The following SND1 variants were observed in gnomAD, a reference collection of about 807,000 sequenced individuals.
SND1 encodes the protein staphylococcal nuclease domain-containing protein 1.
In SND1, 38 loss-of-function variants were observed where a neutral mutation model predicts 121.7. That is an observed-to-expected ratio of 0.31 (90% CI 0.24 to 0.41). The LOEUF (loss-of-function observed/expected upper bound fraction) is 0.41. Ranked by LOEUF, SND1 falls within the 10% of genes least tolerant of loss-of-function variation. The pLI, the probability that SND1 is intolerant of heterozygous loss-of-function variation, is 1.00. For synonymous variants in SND1, 401 were observed against 447.4 expected, an observed-to-expected ratio of 0.90 and a Z score of 1.31; for missense variants, 868 against 1,184.6, an observed-to-expected ratio of 0.73 and a Z score of 3.92.
intron 16 of SND1, among the ~76,000 whole-genome samples, chr7:128,069,465 G>T (rs1030146348): frequency 6.6e-6 from 1 of 152,172 alleles, no homozygotes; most frequent in African/African-American, 2.4e-5. Flanking sequence ...GCTAGGACTG[G>T]GAGTTGATAT....
At chr7:127,724,359 G>C (rs751051175) in intron 10 of SND1, among the ~76,000 whole-genome samples, 3 of 152,226 alleles carry the variant, frequency 2.0e-5, no homozygotes, top group Non-Finnish European at 2.9e-5. Flanking sequence ...GACCTGGAGA[G>C]CAGCAATGAC....
At chr7:127,854,955 T>C (rs369384987) in intron 12 of SND1, among the ~76,000 whole-genome samples, 15 of 152,060 alleles carry the variant, frequency 9.9e-5, no homozygotes, top group African/African-American at 3.6e-4. Context: ...TTGCCTGTTA[T>C]TTCATCCTGC....
chr7:127,670,641 T>C (rs895571132), intron 1 of SND1, among the ~76,000 whole-genome samples: 6 of 152,134 alleles, frequency 3.9e-5, no homozygotes, highest in African/African-American at 1.4e-4. Flanking sequence ...TGTCTGAATA[T>C]AAAACCTAAT....
intron 15 of SND1, among the ~76,000 whole-genome samples, chr7:127,961,973 C>T (rs1801742349): frequency 6.6e-6 from 1 of 152,288 alleles, no homozygotes; most frequent in South Asian, 2.1e-4. Flanking sequence ...CTGTGCATCA[C>T]GTGATCGGAT....
At chr7:127,891,203 A>G (rs1036042798) in intron 13 of SND1, among the ~76,000 whole-genome samples, 10 of 151,988 alleles carry the variant, frequency 6.6e-5, no homozygotes, top group Middle Eastern at 3.2e-3. Flanking sequence ...TTCAGTGCAG[A>G]ATCCCCATCC....
At chr7:127,811,413 C>A (rs1221858778) in intron 11 of SND1, among the ~76,000 whole-genome samples, 1 of 152,176 alleles carries the variant, frequency 6.6e-6, no homozygotes, top group African/African-American at 2.4e-5. Flanking sequence ...ATCTCTTGAT[C>A]TTCTGGTGGA....
At chr7:127,921,818 A>G (rs1350048682) in intron 14 of SND1, among the ~76,000 whole-genome samples, 1 of 152,302 alleles carries the variant, frequency 6.6e-6, no homozygotes, top group African/African-American at 2.4e-5. Context: ...TACAAATGCA[A>G]TCATGTATTT....
At chr7:127,927,550 C>G (rs1043173791) in intron 14 of SND1, among the ~76,000 whole-genome samples, 5 of 152,140 alleles carry the variant, frequency 3.3e-5, no homozygotes, top group Non-Finnish European at 7.4e-5. Flanking sequence ...GAATGTGTTG[C>G]TTAAGTGTTC....
chr7:127,891,724 G>T (rs1800012431), intron 13 of SND1, among the ~76,000 whole-genome samples: 1 of 152,018 alleles, frequency 6.6e-6, no homozygotes, highest in Non-Finnish European at 1.5e-5. Flanking sequence ...GAATGGCTTT[G>T]GTGTTGACCC....
chr7:127,967,942 C>CTT (rs1002445976), intron 15 of SND1, among the ~76,000 whole-genome samples: 1 of 152,168 alleles, frequency 6.6e-6, no homozygotes, highest in African/African-American at 2.4e-5. Flanking sequence ...GTGTTTTACT[C>CTT]TATGTATTTC....
chr7:127,911,623 G>T (rs1242850426), intron 14 of SND1, among the ~76,000 whole-genome samples: 1 of 152,132 alleles, frequency 6.6e-6, no homozygotes, highest in Non-Finnish European at 1.5e-5. Context: ...CCAGGTTCAA[G>T]CAATTCTCCT....
intron 17 of SND1, among the ~76,000 whole-genome samples, chr7:128,080,043 C>T (rs1383094735): frequency 6.6e-6 from 1 of 152,024 alleles, no homozygotes; most frequent in African/African-American, 2.4e-5. Context: ...GGGATAATAC[C>T]AAGACCTACT....
intron 12 of SND1, chr7:127,857,818 G>T: frequency 1.6e-5 from 13 of 830,844 alleles, no homozygotes; most frequent in Non-Finnish European, 4.2e-6. Context: ...CAGGAAAGAA[G>T]GGCCCACCAA....
At chr7:127,748,411 G>T (rs1797018808) in intron 10 of SND1, among the ~76,000 whole-genome samples, 1 of 152,138 alleles carries the variant, frequency 6.6e-6, no homozygotes, top group South Asian at 2.1e-4. Context: ...TGGTAGTTGT[G>T]TGTCTGAATT....
chr7:127,993,006 C>A (rs191535380), intron 16 of SND1, among the ~76,000 whole-genome samples: 1 of 152,174 alleles, frequency 6.6e-6, no homozygotes, highest in Non-Finnish European at 1.5e-5. Context: ...ATTATAGTGG[C>A]CCCATCTTTC....
intron 22 of SND1, among the ~76,000 whole-genome samples, chr7:128,091,314 G>A (rs1276792422): frequency 6.6e-6 from 1 of 152,084 alleles, no homozygotes; most frequent in Non-Finnish European, 1.5e-5. Flanking sequence ...CAACTCCCTG[G>A]CCCAAGTGAT....
rs1439402167 is a variant in SND1, at chr7:127,829,464, G to T, written c.1243-14860G>T. 6.6e-5 allele frequency among the ~76,000 whole-genome samples: 10 copies of T among 152,248 alleles called. No individual in the cohort carries two copies. The East Asian group carries it at 1.9e-3, about 29-fold the overall frequency. ...AAGTGGACAGATTAGGAGATTAAAA[G>T]ACTCCTTTTATATGATTTGACTCTG... On this transcript the variant is annotated intron_variant, in intron 11 of 23. Coordinates refer to ENST00000354725, the MANE Select transcript of SND1 (RefSeq NM_014390.4).
chr7:127,771,577 C>T (rs1797513143), intron 10 of SND1, among the ~76,000 whole-genome samples: 1 of 151,808 alleles, frequency 6.6e-6, no homozygotes, highest in Non-Finnish European at 1.5e-5. Flanking sequence ...TGTATCCTGC[C>T]TTCTTAGGCT....
chr7:128,034,119 A>G (rs757916647), intron 16 of SND1, among the ~76,000 whole-genome samples: 31 of 152,184 alleles, frequency 2.0e-4, no homozygotes, highest in Admixed American at 9.8e-4. Context: ...TCAAACCCTG[A>G]GTCCGATGTT....
Sources: gnomAD v4.1 joint callset for allele counts (sites outside exome capture counted in the v4.1 genomes callset) on GRCh38, gnomAD v4.1.1 for gene constraint, MANE v1.5 for transcripts, NCBI Gene and HGNC (gene_info 2026-07-23, HGNC 2026-07-21) for gene names.